The following CREB5 variants were observed in gnomAD, a reference collection of about 807,000 sequenced individuals.
CREB5 encodes the protein cyclic AMP-responsive element-binding protein 5.
Under a neutral mutation model 57.1 loss-of-function variants are expected in CREB5, and 19 were observed. The observed-to-expected ratio is 0.33, with a 90% CI of 0.23 to 0.49. CREB5 has a LOEUF of 0.49. Ranked by LOEUF, CREB5 falls within the 20% of genes least tolerant of loss-of-function variation. The probability of loss-of-function intolerance (pLI) is 0.99; values close to 1 mark genes in which losing one functional copy is unlikely to be tolerated. For missense variants in CREB5, 579 were observed against 671.6 expected (o/e 0.86, Z 1.52); for synonymous variants, 238 against 238.3 (o/e 1.00, Z 0.01).
chr7:28,673,631 T>C (rs149412025), intron 5 of CREB5, among the ~76,000 whole-genome samples: 36 of 146,614 alleles, frequency 2.5e-4, no homozygotes, highest in African/African-American at 7.1e-4. Context: ...GCAGAGCCCG[T>C]GTTGACATGA....
chr7:28,392,927 AT>A (rs11289159), intron 1 of CREB5, among the ~76,000 whole-genome samples: 13,573 of 145,860 alleles, frequency 0.093, 693 homozygotes, highest in African/African-American at 0.14. Flanking sequence ...CAAAGCAGCA[AT>A]TTTTTTTTTT....
chr7:28,325,008 C>T (rs1785559315), intron 1 of CREB5, among the ~76,000 whole-genome samples: 1 of 152,208 alleles, frequency 6.6e-6, no homozygotes, highest in South Asian at 2.1e-4. Flanking sequence ...CATCCCTAAA[C>T]TGCCCACTTC....
In CREB5 at chr7:28,528,969, T is replaced by A. The variant is rs982226726; in HGVS notation, c.291+21232T>A. Among the ~76,000 whole-genome samples, 8 of 152,150 alleles carry A rather than the reference T, an allele frequency of 5.3e-5. 1 individual carries two copies. The highest frequency in any genetic ancestry group is 3.9e-4 in the Admixed American group (6 of 15,272). On this transcript the variant is annotated intron_variant, in intron 4 of 10. Transcript: ENST00000357727. Reference sequence around the variant, plus strand: ...GGAGAGGTCATGAGAGGGTAGAACATCAATTGACTTTGCAATGATTCCTCA... The same window carrying A: ...GGAGAGGTCATGAGAGGGTAGAACAACAATTGACTTTGCAATGATTCCTCA...
intron 1 of CREB5, among the ~76,000 whole-genome samples, chr7:28,482,581 T>A (rs1174996710): frequency 6.6e-6 from 1 of 152,236 alleles, no homozygotes; most frequent in Admixed American, 6.5e-5. Context: ...TAGAAACCTT[T>A]TGAGGTCTCA....
At chr7:28,352,188 G>A (rs939850264) in intron 1 of CREB5, among the ~76,000 whole-genome samples, 4 of 152,198 alleles carry the variant, frequency 2.6e-5, no homozygotes, top group African/African-American at 9.7e-5. Flanking sequence ...AAATTAGTGA[G>A]TTTTACTCAG....
chr7:28,532,827 T>C (rs532306962), intron 4 of CREB5, among the ~76,000 whole-genome samples: 2 of 152,346 alleles, frequency 1.3e-5, no homozygotes, highest in African/African-American at 4.8e-5. Flanking sequence ...GAAGTTACTA[T>C]ACCTCTCACC....
intron 1 of CREB5, among the ~76,000 whole-genome samples, chr7:28,405,196 G>A (rs1452841816): frequency 6.6e-6 from 1 of 152,168 alleles, no homozygotes; most frequent in African/African-American, 2.4e-5. Flanking sequence ...TTTTAGAAGG[G>A]ATGGAAACTT....
chr7:28,388,383 A>G (rs1028278412), intron 1 of CREB5, among the ~76,000 whole-genome samples: 3 of 152,154 alleles, frequency 2.0e-5, no homozygotes, highest in East Asian at 1.9e-4. Flanking sequence ...TCTCGGTTCA[A>G]TTCCCCATCT....
chr7:28,495,471 G>A (rs542393853), intron 3 of CREB5, among the ~76,000 whole-genome samples: 2 of 152,132 alleles, frequency 1.3e-5, no homozygotes, highest in African/African-American at 2.4e-5. Flanking sequence ...GGACCCGGGA[G>A]GGGGAGGTTG....
At chr7:28,464,541 C>A (rs980578801) in intron 1 of CREB5, among the ~76,000 whole-genome samples, 10 of 115,134 alleles carry the variant, frequency 8.7e-5, no homozygotes, top group Admixed American at 4.3e-4. Context: ...GTGTGTGTTA[C>A]TAATGCAATC....
At chr7:28,576,109 C>A (rs1795899788) in intron 5 of CREB5, among the ~76,000 whole-genome samples, 1 of 152,160 alleles carries the variant, frequency 6.6e-6, no homozygotes, top group Non-Finnish European at 1.5e-5. Flanking sequence ...ATTCTTCAGG[C>A]AAGCATTGTG....
At chr7:28,680,768 C>CCA (rs1800547921) in intron 5 of CREB5, among the ~76,000 whole-genome samples, 1 of 134,170 alleles carries the variant, frequency 7.5e-6, no homozygotes, top group Admixed American at 7.5e-5. Context: ...CAACCTATCT[C>CCA]AAAAAAAAAA....
intron 1 of CREB5, among the ~76,000 whole-genome samples, chr7:28,433,087 A>G (rs974081708): frequency 1.3e-5 from 2 of 152,202 alleles, no homozygotes; most frequent in African/African-American, 4.8e-5. Context: ...TGGTTGCATC[A>G]TCTATTTTGA....
chr7:28,652,762 G>A (rs1259836407), intron 5 of CREB5, among the ~76,000 whole-genome samples: 2 of 152,178 alleles, frequency 1.3e-5, no homozygotes, highest in East Asian at 3.8e-4. Flanking sequence ...CTTAGGCTTT[G>A]GTGCCTGTTG....
intron 1 of CREB5, among the ~76,000 whole-genome samples, chr7:28,396,507 T>C (rs1002116747): frequency 5.9e-5 from 9 of 152,156 alleles, no homozygotes; most frequent in African/African-American, 1.9e-4. Context: ...AAATTAAACA[T>C]ATTTTTTCAT....
chr7:28,428,590 C>G (rs1263260670), intron 1 of CREB5, among the ~76,000 whole-genome samples: 1 of 152,144 alleles, frequency 6.6e-6, no homozygotes, highest in Non-Finnish European at 1.5e-5. Context: ...TGACCTGAGA[C>G]AAGGATGAAG....
At position 28,819,312 on chromosome 7, in the gene CREB5, C is replaced by T; in HGVS notation, c.*33C>T. Reference sequence around the variant, plus strand: ...CATCAGACCTGGCCTCCAAGAAGAGCTGTAGCGTACCATGCGTCCTTTCTT... The same window carrying T: ...CATCAGACCTGGCCTCCAAGAAGAGTTGTAGCGTACCATGCGTCCTTTCTT... On this transcript the variant is annotated 3_prime_UTR_variant, in exon 11 of 11. Coordinates refer to ENST00000357727, the MANE Select transcript of CREB5 (RefSeq NM_182898.4). 6.3e-7 allele frequency: 1 copy of T among 1,596,560 alleles called. No homozygotes were observed. The highest frequency in any genetic ancestry group is 8.5e-7 in the Non-Finnish European group (1 of 1,171,632).
chr7:28,799,054 G>C (rs933348701), intron 7 of CREB5, among the ~76,000 whole-genome samples: 1 of 152,222 alleles, frequency 6.6e-6, no homozygotes, highest in African/African-American at 2.4e-5. Flanking sequence ...TGTGACTCTT[G>C]TTGGCACCAG....
chr7:28,642,939 G>A (rs898811475), intron 5 of CREB5, among the ~76,000 whole-genome samples: 4 of 129,924 alleles, frequency 3.1e-5, no homozygotes, highest in African/African-American at 1.2e-4. Flanking sequence ...CAGACCGAAA[G>A]GAGGGTAGAT....
Sources: gnomAD v4.1 joint callset for allele counts (sites outside exome capture counted in the v4.1 genomes callset) on GRCh38, gnomAD v4.1.1 for gene constraint, MANE v1.5 for transcripts, NCBI Gene and HGNC (gene_info 2026-07-23, HGNC 2026-07-21) for gene names.